PLXDC2: variants seen among roughly 807,000 people sequenced by gnomAD.
PLXDC2 encodes the protein plexin domain-containing protein 2.
A neutral mutation model predicts 68.9 loss-of-function variants in PLXDC2; 40 were observed. The observed-to-expected ratio is 0.58, with a 90% CI of 0.45 to 0.76. The LOEUF is 0.76. Ranked by LOEUF, PLXDC2 falls within the 30% of genes least tolerant of loss-of-function variation. PLXDC2 has a pLI of 0.00. For synonymous variants in PLXDC2, 243 were observed against 234.2 expected (o/e 1.04, Z -0.34); for missense variants, 644 against 661.9 (o/e 0.97, Z 0.30).
intron 1 of PLXDC2, among the ~76,000 whole-genome samples, chr10:19,929,531 T>G (rs1833592770): frequency 1.3e-5 from 2 of 152,206 alleles, no homozygotes; most frequent in African/African-American, 4.8e-5. Context: ...CAGTAAATCT[T>G]TTAAAAATCA....
chr10:19,873,935 G>GT (rs988917829), intron 1 of PLXDC2, among the ~76,000 whole-genome samples: 1 of 151,950 alleles, frequency 6.6e-6, no homozygotes, highest in Non-Finnish European at 1.5e-5. Context: ...GATTTGTGAG[G>GT]TTTTTTTCTT....
intron 1 of PLXDC2, among the ~76,000 whole-genome samples, chr10:19,963,676 G>A (rs577090510): frequency 9.2e-5 from 14 of 152,114 alleles, no homozygotes; most frequent in African/African-American, 2.4e-4. Flanking sequence ...ATCACACACC[G>A]GGGCCTGTTG....
intron 1 of PLXDC2, among the ~76,000 whole-genome samples, chr10:19,880,408 A>G (rs994478057): frequency 6.6e-6 from 1 of 152,218 alleles, no homozygotes; most frequent in Non-Finnish European, 1.5e-5. Flanking sequence ...ACTGTAAGAG[A>G]TTAACAACAA....
At chr10:20,136,749 CCTACAGG>C (rs1833938620) in intron 4 of PLXDC2, among the ~76,000 whole-genome samples, 1 of 152,156 alleles carries the variant, frequency 6.6e-6, no homozygotes, top group Non-Finnish European at 1.5e-5. Context: ...TGTTCAATGC[CCTACAGG>C]CATACCCATC....
At chr10:20,177,676 A>T (rs1834545826) in intron 9 of PLXDC2, among the ~76,000 whole-genome samples, 1 of 152,016 alleles carries the variant, frequency 6.6e-6, no homozygotes, top group African/African-American at 2.4e-5. Context: ...AGGCCAAAGC[A>T]GGAGGATCAC....
chr10:20,131,674 A>G (rs764207385), intron 4 of PLXDC2, among the ~76,000 whole-genome samples: 9 of 152,306 alleles, frequency 5.9e-5, no homozygotes, highest in Non-Finnish European at 1.5e-5. Context: ...TGCTGGGATT[A>G]CAGGCGTGAG....
At chr10:20,129,995 C>A (rs1053497030) in intron 4 of PLXDC2, among the ~76,000 whole-genome samples, 3 of 151,586 alleles carry the variant, frequency 2.0e-5, no homozygotes, top group African/African-American at 7.3e-5. Context: ...CAGTTACAGG[C>A]CTTTTGTGGT....
intron 4 of PLXDC2, among the ~76,000 whole-genome samples, chr10:20,096,869 G>A (rs1470796731): frequency 6.6e-6 from 1 of 152,002 alleles, no homozygotes; most frequent in Non-Finnish European, 1.5e-5. Context: ...TAAGTATTGA[G>A]CAAACAACCT....
intron 3 of PLXDC2, among the ~76,000 whole-genome samples, chr10:20,051,274 A>G (rs1442465816): frequency 1.3e-5 from 2 of 151,698 alleles, no homozygotes; most frequent in African/African-American, 2.4e-5. Context: ...AGAAAAGGTA[A>G]CAATTGGTTG....
At position 19,844,473 on chromosome 10, in the gene PLXDC2, G is replaced by A. The variant is rs986311262; in HGVS notation, c.112+27282G>A. ...AAACCACCGGACACTCACAAATAGA[G>A]GAGGGTCTTGCTTTTCAAAGGCTAC... is the stretch of plus-strand genomic sequence containing the variant. On this transcript the variant is annotated intron_variant, in intron 1 of 13. Transcript: ENST00000377252. 1.4e-4 allele frequency among the ~76,000 whole-genome samples: 21 copies of A among 152,126 alleles called. 1 individual carries two copies. The highest frequency in any genetic ancestry group is 5.1e-4 in the African/African-American group (21 of 41,430).
chr10:20,016,671 T>G (rs1251658894), intron 2 of PLXDC2, among the ~76,000 whole-genome samples: 2 of 152,320 alleles, frequency 1.3e-5, no homozygotes, highest in South Asian at 2.1e-4. Context: ...CTTAGTACCT[T>G]CTGGAAACCA....
At chr10:20,166,570 T>G (rs1453542570) in intron 7 of PLXDC2, among the ~76,000 whole-genome samples, 1 of 152,114 alleles carries the variant, frequency 6.6e-6, no homozygotes, top group Non-Finnish European at 1.5e-5. Flanking sequence ...ATGGTTTGAG[T>G]CAATTATTGC....
intron 1 of PLXDC2, among the ~76,000 whole-genome samples, chr10:19,850,558 C>T (rs1210569356): frequency 6.6e-6 from 1 of 152,142 alleles, no homozygotes; most frequent in Non-Finnish European, 1.5e-5. Context: ...TCACGAGAGA[C>T]CCAACTAATC....
chr10:20,251,786 T>C (rs2119347735), intron 13 of PLXDC2, among the ~76,000 whole-genome samples: 1 of 152,254 alleles, frequency 6.6e-6, no homozygotes, highest in African/African-American at 2.4e-5. Context: ...TTGTCCTTAA[T>C]TTTTCTTAGT....
At chr10:20,248,938 T>C (rs1320609313) in intron 13 of PLXDC2, among the ~76,000 whole-genome samples, 2 of 152,206 alleles carry the variant, frequency 1.3e-5, no homozygotes, top group Non-Finnish European at 2.9e-5. Flanking sequence ...TTGTAGGAAA[T>C]TGAGACAATG....
chr10:19,849,965 G>A (rs979038793), intron 1 of PLXDC2, among the ~76,000 whole-genome samples: 15 of 152,038 alleles, frequency 9.9e-5, no homozygotes, highest in African/African-American at 2.2e-4. Flanking sequence ...GTCCAAGTAC[G>A]GCCATCTCTA....
intron 1 of PLXDC2, among the ~76,000 whole-genome samples, chr10:19,865,920 A>G (rs1408300926): frequency 6.6e-6 from 1 of 152,188 alleles, no homozygotes; most frequent in African/African-American, 2.4e-5. Context: ...TACCATTGCC[A>G]CATTCCTGAT....
At chr10:20,126,466 G>A (rs1442878013) in intron 4 of PLXDC2, among the ~76,000 whole-genome samples, 5 of 42,364 alleles carry the variant, frequency 1.2e-4, no homozygotes, top group Admixed American at 3.1e-4. Context: ...TACAACACAC[G>A]TTATATATGT....
intron 1 of PLXDC2, among the ~76,000 whole-genome samples, chr10:19,919,038 C>T (rs916324144): frequency 9.9e-5 from 15 of 152,074 alleles, no homozygotes; most frequent in Non-Finnish European, 5.9e-5. Flanking sequence ...TTGTGAGAAG[C>T]GCAGTGTTGA....
Sources: allele counts gnomAD v4.1 joint callset (sites outside exome capture counted in the v4.1 genomes callset), GRCh38; gene constraint gnomAD v4.1.1; transcripts MANE v1.5; gene names NCBI Gene and HGNC (gene_info 2026-07-23, HGNC 2026-07-21).